GALNT14: variants seen among roughly 807,000 people sequenced by gnomAD.
GALNT14 encodes the protein polypeptide N-acetylgalactosaminyltransferase 14.
A neutral mutation model predicts 77.5 loss-of-function variants in GALNT14; 60 were observed. That is an observed-to-expected ratio of 0.77 (90% CI 0.63 to 0.96). GALNT14 has a LOEUF of 0.96. GALNT14 is among the 40% of genes least tolerant of loss of function. The pLI, the probability that GALNT14 is intolerant of heterozygous loss-of-function variation, is 0.00. For missense variants in GALNT14, 710 were observed against 731.0 expected, an observed-to-expected ratio of 0.97 and a Z score of 0.33; for synonymous variants, 280 against 281.7, an observed-to-expected ratio of 0.99 and a Z score of 0.06.
At chr2:31,083,943 G>A (rs1676280981) in intron 1 of GALNT14, among the ~76,000 whole-genome samples, 1 of 152,202 alleles carries the variant, frequency 6.6e-6, no homozygotes, top group Admixed American at 6.5e-5. Flanking sequence ...TGGTTGGTGA[G>A]CTGCCGGGGA....
chr2:30,930,319 G>C (rs1208981541), intron 10 of GALNT14, among the ~76,000 whole-genome samples: 1 of 152,202 alleles, frequency 6.6e-6, no homozygotes, highest in African/African-American at 2.4e-5. Flanking sequence ...GCTCTCCAAG[G>C]GGAAAGTGGG....
intron 6 of GALNT14, among the ~76,000 whole-genome samples, chr2:30,953,238 C>T (rs575015424): frequency 2.0e-5 from 3 of 151,988 alleles, no homozygotes; most frequent in African/African-American, 7.2e-5. Flanking sequence ...AGTAGAGTTC[C>T]TCTACTTCTA....
intron 1 of GALNT14, among the ~76,000 whole-genome samples, chr2:31,095,791 G>A (rs1573341570): frequency 6.6e-6 from 1 of 152,146 alleles, no homozygotes; most frequent in Admixed American, 6.5e-5. Flanking sequence ...CTCTCTGTGT[G>A]CCTAGTTTTC....
At chr2:30,943,638 C>A (rs1301649908) in intron 8 of GALNT14, among the ~76,000 whole-genome samples, 1 of 152,186 alleles carries the variant, frequency 6.6e-6, no homozygotes, top group African/African-American at 2.4e-5. Context: ...CTTCCCACAC[C>A]CACACCATGC....
chr2:31,029,951 C>T (rs544391174), intron 1 of GALNT14, among the ~76,000 whole-genome samples: 1 of 152,206 alleles, frequency 6.6e-6, no homozygotes, highest in Non-Finnish European at 1.5e-5. Flanking sequence ...AATAAGCTTT[C>T]CATTGTCCTT....
rs192725270 is a variant in GALNT14 at position 30,933,119 on chromosome 2, T to G, written c.932-925A>C. ...GTGGGGAGGGAGGGAATTTTACCAC[T>G]GCCATTGGTTAAAATTGCCAGTGCA... On this transcript the variant is annotated intron_variant, in intron 9 of 14. Transcript: ENST00000349752. 8.9e-3 allele frequency among the ~76,000 whole-genome samples: 1,350 copies of G among 152,148 alleles called. 10 individuals carry two copies. Among genetic ancestry groups the G allele is most frequent in the Admixed American group, 0.018 (274 of 15,286 alleles).
chr2:31,022,038 G>C (rs553468323), intron 1 of GALNT14, among the ~76,000 whole-genome samples: 324 of 152,344 alleles, frequency 2.1e-3, no homozygotes, highest in Non-Finnish European at 3.4e-3. Context: ...TACATAATTA[G>C]ATAGATAGAA....
At chr2:30,982,086 T>C (rs1296973197) in intron 2 of GALNT14, among the ~76,000 whole-genome samples, 2 of 152,178 alleles carry the variant, frequency 1.3e-5, no homozygotes, top group Admixed American at 1.3e-4. Context: ...GCAAAACGCT[T>C]GCTCGGGTAT....
chr2:31,014,375 T>C (rs375604234), intron 1 of GALNT14, among the ~76,000 whole-genome samples: 2 of 152,136 alleles, frequency 1.3e-5, no homozygotes, highest in East Asian at 3.9e-4. Context: ...TTGCAACTCA[T>C]TGCAGGGAGA....
chr2:30,904,640 G>A, the GALNT14 span, among the ~76,000 whole-genome samples: 4 of 152,300 alleles, frequency 2.6e-5, no homozygotes, highest in Non-Finnish European at 4.4e-5. Flanking sequence ...GGGGAGGGGC[G>A]CCCGCCATTG....
At position 30,944,940 on chromosome 2, in the gene GALNT14, A is replaced by C. The variant is rs756168790; in HGVS notation, c.745T>G (p.Phe249Val). 1 of 1,605,266 alleles carries C rather than the reference A, an allele frequency of 6.2e-7. No homozygotes were observed. Among genetic ancestry groups the C allele is most frequent in the South Asian group, 1.1e-5 (1 of 90,156 alleles). ...IESASELRGG[F>V]DWSLHFQWEQ... ...CACTGGAAGTGGAGGCTCCAGTCAA[A>C]CCCTACAACACAGCACCAACCCACC... Residue 249 changes from phenylalanine (F) to valine (V), a missense_variant and splice_region_variant, in exon 8 of 15, where the codon TTT becomes GTT. Phe to Val is a conservative substitution (Grantham distance 50). Transcript: ENST00000349752.
chr2:30,910,297 A>G (rs1664281809), downstream of GALNT14, among the ~76,000 whole-genome samples: 1 of 151,950 alleles, frequency 6.6e-6, no homozygotes, highest in Admixed American at 6.5e-5. Flanking sequence ...GTTACATGTC[A>G]TTTTAAGATC....
At chr2:30,889,874 CA>C in the GALNT14 span, among the ~76,000 whole-genome samples, 3 of 152,238 alleles carry the variant, frequency 2.0e-5, no homozygotes, top group South Asian at 6.2e-4. Flanking sequence ...TTCATTAGAA[CA>C]AAACTCAAGT....
intron 6 of GALNT14, among the ~76,000 whole-genome samples, chr2:30,951,440 G>C (rs562015121): frequency 6.6e-6 from 1 of 152,124 alleles, no homozygotes; most frequent in African/African-American, 2.4e-5. Flanking sequence ...GAGAAGAGGA[G>C]AATGAGGAGT....
chr2:31,033,913 C>T (rs1212273194), intron 1 of GALNT14, among the ~76,000 whole-genome samples: 3 of 152,190 alleles, frequency 2.0e-5, no homozygotes, highest in Admixed American at 6.5e-5. Context: ...GCAAACAAAC[C>T]CTCACATTTA....
chr2:30,896,536 C>T, the GALNT14 span, among the ~76,000 whole-genome samples: 6 of 152,246 alleles, frequency 3.9e-5, no homozygotes, highest in South Asian at 6.2e-4. Context: ...TATTATATAG[C>T]TACTATTTTT....
chr2:31,101,933 T>G (rs1677301556), intron 1 of GALNT14, among the ~76,000 whole-genome samples: 2 of 152,106 alleles, frequency 1.3e-5, no homozygotes, highest in African/African-American at 4.8e-5. Flanking sequence ...CCCCATTCGC[T>G]GGGCACTCAT....
chr2:30,903,098 T>C, the GALNT14 span, among the ~76,000 whole-genome samples: 1 of 152,206 alleles, frequency 6.6e-6, no homozygotes, highest in African/African-American at 2.4e-5. Flanking sequence ...CACAAGAGCA[T>C]TGCAGAAACA....
intron 1 of GALNT14, among the ~76,000 whole-genome samples, chr2:31,135,354 A>G (rs1284520410): frequency 6.6e-6 from 1 of 152,194 alleles, no homozygotes; most frequent in Non-Finnish European, 1.5e-5. Flanking sequence ...TCCTTTGGAC[A>G]TGTCATATAA....
Sources: gnomAD v4.1 joint callset for allele counts (sites outside exome capture counted in the v4.1 genomes callset) on GRCh38, gnomAD v4.1.1 for gene constraint, MANE v1.5 for transcripts, NCBI Gene and HGNC (gene_info 2026-07-23, HGNC 2026-07-21) for gene names.